Variants in SYN3 observed in about 807,000 individuals in gnomAD.
SYN3 encodes the protein synapsin-3.
SYN3 carries 35 observed loss-of-function variants against 65.8 expected under a neutral mutation model. The observed-to-expected ratio is 0.53, with a 90% CI of 0.41 to 0.70. SYN3 has a LOEUF of 0.70. Ranked by LOEUF, SYN3 falls within the 30% of genes least tolerant of loss-of-function variation. The pLI, the probability that SYN3 is intolerant of heterozygous loss-of-function variation, is 0.00. For missense variants in SYN3, 680 were observed against 749.0 expected (o/e 0.91, Z 1.08); for synonymous variants, 270 against 292.9 (o/e 0.92, Z 0.80).
At chr22:32,988,582 G>A (rs926078939) in intron 2 of SYN3, among the ~76,000 whole-genome samples, 1 of 151,970 alleles carries the variant, frequency 6.6e-6, no homozygotes, top group South Asian at 2.1e-4. Context: ...ACTACCTAAT[G>A]GGAGGGACAG....
At chr22:32,967,008 G>A (rs1384540776) in intron 3 of SYN3, among the ~76,000 whole-genome samples, 3 of 152,170 alleles carry the variant, frequency 2.0e-5, no homozygotes, top group African/African-American at 7.2e-5. Context: ...TATGCTGTGT[G>A]GCCTTGGGTA....
At chr22:32,997,370 T>TGGTCTGAA (rs2052911574) in intron 2 of SYN3, among the ~76,000 whole-genome samples, 1 of 152,324 alleles carries the variant, frequency 6.6e-6, no homozygotes, top group East Asian at 1.9e-4. Context: ...TTCAGTCATT[T>TGGTCTGAA]GACCAACACT....
chr22:33,001,865 A>G (rs1200637687), intron 2 of SYN3, among the ~76,000 whole-genome samples: 2 of 152,188 alleles, frequency 1.3e-5, no homozygotes, highest in African/African-American at 4.8e-5. Context: ...TATTCTTAAC[A>G]TTGCACCATA....
intron 6 of SYN3, among the ~76,000 whole-genome samples, chr22:32,769,757 T>A (rs1189261167): frequency 1.3e-5 from 2 of 152,136 alleles, no homozygotes. Flanking sequence ...CCTCAGATGA[T>A]CCGCCTGTCT....
intron 1 of SYN3, among the ~76,000 whole-genome samples, chr22:33,015,878 G>A (rs2053457127): frequency 8.0e-6 from 1 of 124,582 alleles, no homozygotes; most frequent in Admixed American, 8.8e-5. Context: ...TTACACTCTT[G>A]TTGCCCAGGC....
intron 6 of SYN3, among the ~76,000 whole-genome samples, chr22:32,601,380 C>A (rs893437094): frequency 6.6e-6 from 1 of 151,896 alleles, no homozygotes; most frequent in Non-Finnish European, 1.5e-5. Flanking sequence ...TGGGTTCACG[C>A]CATTCTCCTG....
In SYN3 at chr22:32,901,176, T is replaced by C. The variant is rs139102099; in HGVS notation, c.461+30214A>G. Among the ~76,000 whole-genome samples the C allele has an allele frequency of 2.9e-3, 443 of 152,332 alleles. 14 individuals are homozygous for C. The highest frequency in any genetic ancestry group is 0.022 in the Admixed American group (341 of 15,298). On this transcript the variant is annotated intron_variant, in intron 4 of 13. Transcript: ENST00000358763. ...TAATACAGTAACAAGTACTTGAACA[T>C]TGACTAATACACAGTTGCGTGTGAC...
intron 1 of SYN3, among the ~76,000 whole-genome samples, chr22:33,050,942 C>T (rs1206796929): frequency 6.6e-6 from 1 of 152,212 alleles, no homozygotes; most frequent in Non-Finnish European, 1.5e-5. Context: ...AGGACATATG[C>T]CGTGTATCCC....
chr22:32,822,855 A>C (rs1354631914), intron 6 of SYN3, among the ~76,000 whole-genome samples: 1 of 152,132 alleles, frequency 6.6e-6, no homozygotes, highest in Non-Finnish European at 1.5e-5. Flanking sequence ...TTCTCTATTG[A>C]TGCCAGAATA....
intron 7 of SYN3, among the ~76,000 whole-genome samples, chr22:32,564,806 C>G (rs1380123578): frequency 6.8e-6 from 1 of 147,240 alleles, no homozygotes; most frequent in African/African-American, 2.5e-5. Context: ...CCAAACAGTG[C>G]TCCCGCATTG....
At chr22:32,897,091 G>A (rs983921518) in intron 4 of SYN3, among the ~76,000 whole-genome samples, 24 of 152,192 alleles carry the variant, frequency 1.6e-4, no homozygotes, top group African/African-American at 5.5e-4. Flanking sequence ...CCGTCCCCTG[G>A]GGCCAAGTAG....
intron 6 of SYN3, among the ~76,000 whole-genome samples, chr22:32,831,048 C>G (rs1224041210): frequency 6.6e-6 from 1 of 152,114 alleles, no homozygotes; most frequent in Non-Finnish European, 1.5e-5. Flanking sequence ...AATATTCCTT[C>G]TATTTCAAAA....
chr22:32,869,103 T>C lies in SYN3; in HGVS notation c.484A>G (p.Ile162Val), dbSNP rs779627789. 9 of 1,613,552 alleles carry C rather than the reference T, an allele frequency of 5.6e-6. No individual in the cohort carries two copies. The highest frequency in any genetic ancestry group is 1.7e-5 in the Admixed American group (1 of 59,974). Reference protein sequence around the residue: ...VVSRSFKPDFILVRQHAYSMA... With the variant: ...VVSRSFKPDFVLVRQHAYSMA... ...CTGTAGGCATGCTGGCGGACCAGGA[T>C]GAAGTCTGGCTTGAAGGATCTGCTG... The change falls in exon 5 of 14, where the codon ATC (isoleucine) becomes GTC (valine). Residue 162 changes from isoleucine (I) to valine (V), a missense_variant. Physicochemically the swap from Ile to Val is conservative, Grantham distance 29. Coordinates refer to ENST00000358763, the MANE Select transcript of SYN3 (RefSeq NM_003490.4).
At chr22:32,592,712 G>A (rs955666158) in intron 7 of SYN3, among the ~76,000 whole-genome samples, 2 of 152,100 alleles carry the variant, frequency 1.3e-5, no homozygotes, top group African/African-American at 2.4e-5. Flanking sequence ...CTCCTAGGAT[G>A]CCTTTTCCAA....
intron 2 of SYN3, among the ~76,000 whole-genome samples, chr22:32,986,568 C>G (rs9621613): frequency 0.063 from 9,644 of 152,218 alleles, 829 homozygotes; most frequent in African/African-American, 0.2. Flanking sequence ...ATTCAGGCTT[C>G]AGCCGCCTCT....
chr22:32,836,583 A>C (rs1319407901), intron 6 of SYN3, among the ~76,000 whole-genome samples: 1 of 152,138 alleles, frequency 6.6e-6, no homozygotes, highest in Admixed American at 6.5e-5. Context: ...ATTCCTGATA[A>C]TGGTCTTAGG....
chr22:32,647,945 T>C (rs1433683042), intron 6 of SYN3, among the ~76,000 whole-genome samples: 4 of 152,126 alleles, frequency 2.6e-5, no homozygotes, highest in Non-Finnish European at 5.9e-5. Flanking sequence ...CACTATCTTG[T>C]CCAGGCTTAT....
chr22:32,564,978 TGGACTGCACCCAAACAGTGCTCCC>T (rs1569043220), intron 7 of SYN3, among the ~76,000 whole-genome samples: 9,358 of 47,274 alleles, frequency 0.2, 292 homozygotes, highest in Middle Eastern at 0.36. Context: ...ACAGTGCTCC[TGGACTGCACCCAAACAGTGCTCCC>T]GGACTGCACC....
At position 32,507,998 on chromosome 22, in the gene SYN3, C is replaced by A. The variant is rs959808689; in HGVS notation, c.*5694G>T. Among the ~76,000 whole-genome samples, 1 of 152,062 alleles carries A rather than the reference C, an allele frequency of 6.6e-6. No homozygotes were observed. The highest frequency in any genetic ancestry group is 1.5e-5 in the Non-Finnish European group (1 of 68,020). ...CCCATTCTCTCTCCATACCACCCCC[C>A]AAAAATTTTCGTCGCCCCAACACTT... On this transcript the variant is annotated 3_prime_UTR_variant, in exon 14 of 14. Coordinates refer to ENST00000358763, the MANE Select transcript of SYN3 (RefSeq NM_003490.4).
Sources: gnomAD v4.1 joint callset for allele counts (sites outside exome capture counted in the v4.1 genomes callset) on GRCh38, gnomAD v4.1.1 for gene constraint, MANE v1.5 for transcripts, NCBI Gene and HGNC (gene_info 2026-07-23, HGNC 2026-07-21) for gene names.